The following CNTNAP2 variants were observed in gnomAD, a reference collection of about 807,000 sequenced individuals.
CNTNAP2 encodes the protein contactin associated protein 2.
Under a neutral mutation model 155.2 loss-of-function variants are expected in CNTNAP2, and 98 were observed. The ratio of observed to expected loss-of-function variants is 0.63; its 90% CI spans 0.54 to 0.75. The LOEUF is 0.75. Ranked by LOEUF, CNTNAP2 falls within the 30% of genes least tolerant of loss-of-function variation. CNTNAP2 has a pLI of 0.00. For synonymous variants in CNTNAP2, 651 were observed against 631.2 expected, an observed-to-expected ratio of 1.03 and a Z score of -0.47; for missense variants, 1,727 against 1,688.1, an observed-to-expected ratio of 1.02 and a Z score of -0.40.
chr7:148,308,025 G>A (rs2116511722), intron 21 of CNTNAP2, among the ~76,000 whole-genome samples: 1 of 152,256 alleles, frequency 6.6e-6, no homozygotes, highest in Admixed American at 6.5e-5. Flanking sequence ...ACTTATTAAA[G>A]CTGGAGTCAT....
chr7:147,695,778 G>C (rs1796152155), intron 13 of CNTNAP2, among the ~76,000 whole-genome samples: 1 of 152,008 alleles, frequency 6.6e-6, no homozygotes, highest in East Asian at 1.9e-4. Context: ...CTCCAGCCTG[G>C]GCCACAGAGT....
chr7:147,168,285 C>T lies in CNTNAP2; in HGVS notation c.1348+35776C>T, dbSNP rs552702310. 9.9e-5 allele frequency among the ~76,000 whole-genome samples: 15 copies of T among 151,402 alleles called. 1 individual carries two copies. Among genetic ancestry groups the T allele is most frequent in the African/African-American group, 3.1e-4 (13 of 41,364 alleles). On this transcript the variant is annotated intron_variant, in intron 8 of 23. Coordinates refer to ENST00000361727, the MANE Select transcript of CNTNAP2 (RefSeq NM_014141.6). The stretch of plus-strand genomic sequence containing the variant: ...AAAACTCAATTCAAAGATATGTTTC[C>T]AGTGATGGGTCTTGTCAATGTAGAC...
chr7:146,273,404 A>G (rs191076323), intron 1 of CNTNAP2, among the ~76,000 whole-genome samples: 2 of 152,270 alleles, frequency 1.3e-5, no homozygotes, highest in African/African-American at 4.8e-5. Context: ...GTGAAGTGCC[A>G]GCTAGTAAGT....
At chr7:146,697,188 A>C (rs939228991) in intron 1 of CNTNAP2, among the ~76,000 whole-genome samples, 2 of 152,178 alleles carry the variant, frequency 1.3e-5, no homozygotes, top group African/African-American at 4.8e-5. Flanking sequence ...CACAGACACA[A>C]TAAGGATTAT....
intron 2 of CNTNAP2, among the ~76,000 whole-genome samples, chr7:146,786,527 T>C (rs1246493445): frequency 2.6e-5 from 4 of 152,350 alleles, no homozygotes; most frequent in African/African-American, 9.6e-5. Flanking sequence ...AGCTGCCTTT[T>C]CTATACACCA....
At chr7:146,143,821 G>T (rs945282901) in intron 1 of CNTNAP2, among the ~76,000 whole-genome samples, 3 of 151,590 alleles carry the variant, frequency 2.0e-5, no homozygotes, top group Non-Finnish European at 4.4e-5. Flanking sequence ...GGAGTACAGT[G>T]GCACAGTCTT....
At chr7:146,438,278 T>C (rs1392722378) in intron 1 of CNTNAP2, among the ~76,000 whole-genome samples, 1 of 119,654 alleles carries the variant, frequency 8.4e-6, no homozygotes, top group Non-Finnish European at 1.6e-5. Flanking sequence ...TATTTATCCA[T>C]AGAAGCTTTT....
At chr7:146,134,396 C>A (rs1230033193) in intron 1 of CNTNAP2, among the ~76,000 whole-genome samples, 2 of 146,576 alleles carry the variant, frequency 1.4e-5, no homozygotes, top group Non-Finnish European at 3.0e-5. Context: ...ATTGAATACC[C>A]TTTATTTCCT....
chr7:146,163,585 C>CTATCTATCTATATATATATATATATATA (rs1354076042), intron 1 of CNTNAP2, among the ~76,000 whole-genome samples: 1 of 91,224 alleles, frequency 1.1e-5, no homozygotes, highest in African/African-American at 4.0e-5. Flanking sequence ...ATCTATCTAT[C>CTATCTATCTATATATATATATATATATA]TATATATATA....
rs139111303 is a variant in CNTNAP2, at chr7:147,501,694, G to A, written c.1777+15653G>A. Among the ~76,000 whole-genome samples, 196 of 152,244 alleles carry A rather than the reference G, an allele frequency of 1.3e-3. 2 individuals carry two copies. In the East Asian group the frequency reaches 0.036, roughly 28 times the overall value. On this transcript the variant is annotated intron_variant, in intron 11 of 23. Transcript: ENST00000361727. ...AGTGTTCTGAGCACATTTAAGTTTG[G>A]CTAGGTTAAGCTATGATGTTTGCTA...
At chr7:146,907,213 T>C (rs1796153181) in intron 3 of CNTNAP2, among the ~76,000 whole-genome samples, 2 of 151,540 alleles carry the variant, frequency 1.3e-5, no homozygotes, top group South Asian at 2.1e-4. Context: ...GGAACCAAGT[T>C]GGAAAACACT....
rs138690711 is a variant in CNTNAP2, at chr7:148,224,195, G to C, written c.3248-5451G>C. Among the ~76,000 whole-genome samples the C allele has an allele frequency of 2.3e-3, 355 of 152,272 alleles. 2 individuals are homozygous for C. Among genetic ancestry groups the C allele is most frequent in the Non-Finnish European group, 4.1e-3 (282 of 68,030 alleles). The stretch of plus-strand genomic sequence containing the variant: ...AACTGGCTGGGATGATATGATGTCA[G>C]AGCACCAGAAATAAGGCAGAGAGTA... On this transcript the variant is annotated intron_variant, in intron 19 of 23. Transcript: ENST00000361727.
At chr7:147,613,886 C>G (rs1214115382) in intron 12 of CNTNAP2, among the ~76,000 whole-genome samples, 5 of 152,064 alleles carry the variant, frequency 3.3e-5, no homozygotes, top group African/African-American at 9.7e-5. Context: ...GTGCTTTCCT[C>G]TATGGATTTT....
intron 1 of CNTNAP2, among the ~76,000 whole-genome samples, chr7:146,562,556 G>T (rs1008793515): frequency 6.6e-6 from 1 of 152,096 alleles, no homozygotes; most frequent in Non-Finnish European, 1.5e-5. Flanking sequence ...TGGCTTTAAA[G>T]AAATATTGAT....
intron 4 of CNTNAP2, among the ~76,000 whole-genome samples, chr7:147,073,098 C>G (rs543296531): frequency 7.5e-5 from 11 of 145,866 alleles, no homozygotes; most frequent in African/African-American, 2.8e-4. Context: ...ATGATCCACC[C>G]GCCTCGGCCT....
intron 8 of CNTNAP2, among the ~76,000 whole-genome samples, chr7:147,281,763 G>T (rs1056701306): frequency 6.6e-6 from 1 of 151,754 alleles, no homozygotes; most frequent in African/African-American, 2.4e-5. Context: ...TAATAAATTG[G>T]TAAAATTGAT....
chr7:148,006,626 T>G (rs1420013722), intron 15 of CNTNAP2, among the ~76,000 whole-genome samples: 1 of 142,558 alleles, frequency 7.0e-6, no homozygotes, highest in Non-Finnish European at 1.5e-5. Context: ...GCCATAATAG[T>G]AACTTTTATA....
intron 1 of CNTNAP2, among the ~76,000 whole-genome samples, chr7:146,583,272 G>A (rs1353689509): frequency 6.6e-6 from 1 of 151,982 alleles, no homozygotes; most frequent in Non-Finnish European, 1.5e-5. Flanking sequence ...GGTCCTGGAA[G>A]TGAAGGAAAG....
chr7:148,351,774 T>A (rs1585298471), intron 21 of CNTNAP2, among the ~76,000 whole-genome samples: 1 of 111,998 alleles, frequency 8.9e-6, no homozygotes, highest in East Asian at 3.3e-4. Context: ...AAACCGAGAC[T>A]CACAGGGGTT....
Sources: gnomAD v4.1 joint callset for allele counts (sites outside exome capture counted in the v4.1 genomes callset) on GRCh38, gnomAD v4.1.1 for gene constraint, MANE v1.5 for transcripts, NCBI Gene and HGNC (gene_info 2026-07-23, HGNC 2026-07-21) for gene names.